STAG1: variants seen among roughly 807,000 people sequenced by gnomAD.
STAG1 encodes the protein cohesin subunit SA-1.
Under a neutral mutation model 170.9 loss-of-function variants are expected in STAG1, and 26 were observed. That is an observed-to-expected ratio of 0.15 (90% CI 0.11 to 0.21). The LOEUF is 0.21. STAG1 is among the 10% of genes least tolerant of loss of function. The probability of loss-of-function intolerance (pLI) is 1.00; values close to 1 mark genes in which losing one functional copy is unlikely to be tolerated. For synonymous variants in STAG1, 514 were observed against 497.7 expected (o/e 1.03, Z -0.44); for missense variants, 964 against 1,509.5 (o/e 0.64, Z 5.99).
chr3:136,591,989 G>C (rs555364958), intron 4 of STAG1, among the ~76,000 whole-genome samples: 37 of 152,284 alleles, frequency 2.4e-4, no homozygotes, highest in Middle Eastern at 3.4e-3. Context: ...TTCAAGAAAG[G>C]TTGGGACATG....
At chr3:136,468,612 A>C (rs928294230) in intron 12 of STAG1, among the ~76,000 whole-genome samples, 1 of 152,342 alleles carries the variant, frequency 6.6e-6, no homozygotes. Flanking sequence ...TTCTGAAACT[A>C]TTCCAATCAA....
At chr3:136,377,820 G>C in intron 22 of STAG1, 68 bp from the exon 23 acceptor site, 1 of 1,349,278 alleles carries the variant, frequency 7.4e-7, no homozygotes. Flanking sequence ...AGAAGAAACA[G>C]TAAGTGGAAA....
chr3:136,633,655 G>C (rs1272612924), intron 1 of STAG1, among the ~76,000 whole-genome samples: 4 of 128,294 alleles, frequency 3.1e-5, no homozygotes, highest in Non-Finnish European at 6.3e-5. Flanking sequence ...AGCTAAGATT[G>C]TGCCACTGCA....
chr3:136,547,532 C>T (rs930846982), intron 5 of STAG1, among the ~76,000 whole-genome samples: 2 of 152,182 alleles, frequency 1.3e-5, no homozygotes, highest in African/African-American at 4.8e-5. Flanking sequence ...TCTGCTCTCT[C>T]CTTCCATGAG....
At chr3:136,470,066 T>C (rs1480625745) in intron 12 of STAG1, among the ~76,000 whole-genome samples, 1 of 152,200 alleles carries the variant, frequency 6.6e-6, no homozygotes, top group Non-Finnish European at 1.5e-5. Context: ...ATTCAGGACA[T>C]AGGCATGGGC....
At chr3:136,510,828 A>G (rs1430140197) in intron 7 of STAG1, among the ~76,000 whole-genome samples, 1 of 151,888 alleles carries the variant, frequency 6.6e-6, no homozygotes, top group Non-Finnish European at 1.5e-5. Flanking sequence ...CCCAGTCTGG[A>G]GTGCAGTAGT....
At chr3:136,363,291 C>A in intron 26 of STAG1, 75 bp downstream of exon 26, 1 of 748,178 alleles carries the variant, frequency 1.3e-6, no homozygotes, top group Non-Finnish European at 2.3e-6. Flanking sequence ...GATGAGATAC[C>A]TAGCAAATAT....
At chr3:136,561,987 A>G (rs547500973) in intron 5 of STAG1, among the ~76,000 whole-genome samples, 9 of 152,280 alleles carry the variant, frequency 5.9e-5, no homozygotes, top group Admixed American at 5.9e-4. Context: ...TGTTCTGAAT[A>G]AGTGTTTAGC....
intron 5 of STAG1, among the ~76,000 whole-genome samples, chr3:136,557,619 C>T (rs1237946284): frequency 3.9e-5 from 6 of 152,102 alleles, no homozygotes; most frequent in Non-Finnish European, 7.4e-5. Context: ...CTCGGCTCAC[C>T]GTAACCTCCG....
chr3:136,737,350 C>T (rs1934400297), intron 1 of STAG1: 1 of 364,746 alleles, frequency 2.7e-6, no homozygotes, highest in Non-Finnish European at 5.3e-6. Flanking sequence ...GATCCACCCA[C>T]CTCAGCCTCC....
chr3:136,446,525 C>T (rs1032315664), intron 14 of STAG1, among the ~76,000 whole-genome samples: 15 of 151,688 alleles, frequency 9.9e-5, no homozygotes, highest in African/African-American at 3.6e-4. Flanking sequence ...CAGGTTCAAG[C>T]GATCCTCCTG....
chr3:136,705,146 C>G (rs1286090708), intron 1 of STAG1, among the ~76,000 whole-genome samples: 1 of 152,018 alleles, frequency 6.6e-6, no homozygotes, highest in Non-Finnish European at 1.5e-5. Flanking sequence ...GAGGCCAAGG[C>G]AGGCGGATCA....
At chr3:136,518,960 T>G (rs1347335932) in intron 7 of STAG1, among the ~76,000 whole-genome samples, 2 of 151,862 alleles carry the variant, frequency 1.3e-5, no homozygotes, top group Non-Finnish European at 2.9e-5. Flanking sequence ...TGAAAATATA[T>G]TTAAACATAC....
chr3:136,396,520 CTTTTTTTTTTTTTT>C (rs146270857), intron 22 of STAG1, among the ~76,000 whole-genome samples: 1 of 43,658 alleles, frequency 2.3e-5, no homozygotes, highest in African/African-American at 1.2e-4. Flanking sequence ...CGCGCCTGGC[CTTTTTTTTTTTTTT>C]TTTTTTTTTT....
At chr3:136,647,499 G>A (rs1380858551) in intron 1 of STAG1, among the ~76,000 whole-genome samples, 3 of 152,078 alleles carry the variant, frequency 2.0e-5, no homozygotes, top group Non-Finnish European at 4.4e-5. Context: ...AACCCGGGAG[G>A]CAGAGGTTGC....
intron 21 of STAG1, among the ~76,000 whole-genome samples, chr3:136,411,857 A>C (rs1302735750): frequency 6.6e-6 from 1 of 150,700 alleles, no homozygotes. Context: ...GAGGCAGAGA[A>C]TTGCTTGAAC....
chr3:136,670,597 C>T (rs529288826), intron 1 of STAG1, among the ~76,000 whole-genome samples: 7 of 152,192 alleles, frequency 4.6e-5, no homozygotes, highest in Non-Finnish European at 1.0e-4. Flanking sequence ...GTGCCTCAGC[C>T]TCCTGAAGAG....
At chr3:136,616,011 G>T (rs968663498) in intron 3 of STAG1, among the ~76,000 whole-genome samples, 2 of 152,062 alleles carry the variant, frequency 1.3e-5, no homozygotes, top group Non-Finnish European at 2.9e-5. Context: ...GCTCGCACCT[G>T]TAATCCCAGC....
chr3:136,418,734 C>T (rs542557304), intron 20 of STAG1, among the ~76,000 whole-genome samples: 177 of 151,992 alleles, frequency 1.2e-3, no homozygotes, highest in Non-Finnish European at 2.1e-3. Flanking sequence ...CTCCGCCTCC[C>T]GGGTTCAAGA....
Sources: gnomAD v4.1 joint callset for allele counts (sites outside exome capture counted in the v4.1 genomes callset) on GRCh38, gnomAD v4.1.1 for gene constraint, MANE v1.5 for transcripts, NCBI Gene and HGNC (gene_info 2026-07-23, HGNC 2026-07-21) for gene names.